The following BCAS3 variants were observed in gnomAD, a reference collection of about 807,000 sequenced individuals.
The protein encoded by BCAS3 is BCAS4/BCAS3 fusion.
In BCAS3, 53 loss-of-function variants were observed where a neutral mutation model predicts 116.1. The ratio of observed to expected loss-of-function variants is 0.46; its 90% CI spans 0.37 to 0.57. BCAS3 has a LOEUF of 0.57. Ranked by LOEUF, BCAS3 falls within the 20% of genes least tolerant of loss-of-function variation. The pLI is 0.00. For synonymous variants in BCAS3, 391 were observed against 408.2 expected, an observed-to-expected ratio of 0.96 and a Z score of 0.51; for missense variants, 917 against 1,165.4, an observed-to-expected ratio of 0.79 and a Z score of 3.10.
chr17:60,730,521 G>A (rs2040352938), intron 5 of BCAS3, among the ~76,000 whole-genome samples: 1 of 152,076 alleles, frequency 6.6e-6, no homozygotes, highest in Non-Finnish European at 1.5e-5. Context: ...CAGAGATACT[G>A]ACACTCTGAT....
At chr17:60,732,512 A>G (rs1299817415) in intron 5 of BCAS3, among the ~76,000 whole-genome samples, 2 of 152,132 alleles carry the variant, frequency 1.3e-5, no homozygotes, top group African/African-American at 4.8e-5. Flanking sequence ...TCTTTTCTCC[A>G]AGGCTATAAA....
Position 61,390,287 on chromosome 17 carries a change from G to A in BCAS3, c.2594-1690G>A, listed in dbSNP as rs1202898691. Reference sequence around the variant, plus strand: ...GGCTTTACCACCCTCTCCATCTCATGGCACGATGGCCTGTCCCCCCAGATT... The same window carrying A: ...GGCTTTACCACCCTCTCCATCTCATAGCACGATGGCCTGTCCCCCCAGATT... On this transcript the variant is annotated intron_variant, in intron 23 of 23. Coordinates refer to ENST00000407086, the MANE Select transcript of BCAS3 (RefSeq NM_017679.5). The surrounding 1 kb of genome is among the most constrained non-coding windows in gnomAD (Gnocchi z 6.8). 6.6e-6 allele frequency: 1 copy of A among 152,290 alleles called. No homozygotes were observed. The highest frequency in any genetic ancestry group is 1.5e-5 in the Non-Finnish European group (1 of 68,122). 9.4% of individuals were successfully genotyped at this position (152,290 alleles called of 1,614,324 possible).
chr17:61,003,103 T>C (rs2064373205), intron 15 of BCAS3, among the ~76,000 whole-genome samples: 1 of 151,906 alleles, frequency 6.6e-6, no homozygotes, highest in South Asian at 2.1e-4. Flanking sequence ...TTGGGCCCTT[T>C]CCTGGAAATC....
chr17:60,825,797 C>T (rs1010667022), intron 7 of BCAS3, among the ~76,000 whole-genome samples: 4 of 151,286 alleles, frequency 2.6e-5, no homozygotes, highest in African/African-American at 9.7e-5. Context: ...GAAAGCTCTG[C>T]CCTCATGACT....
chr17:61,232,368 G>A (rs1347962423), intron 22 of BCAS3, among the ~76,000 whole-genome samples: 1 of 151,534 alleles, frequency 6.6e-6, no homozygotes, highest in Non-Finnish European at 1.5e-5. Context: ...GACAGATACT[G>A]ATTGTAATGT....
intron 7 of BCAS3, among the ~76,000 whole-genome samples, chr17:60,815,586 A>C (rs1035634823): frequency 6.6e-6 from 1 of 152,256 alleles, no homozygotes; most frequent in Admixed American, 6.5e-5. Flanking sequence ...GATGTAGAAC[A>C]GAAGATGTAA....
intron 7 of BCAS3, among the ~76,000 whole-genome samples, chr17:60,843,097 T>A (rs1453921179): frequency 7.1e-6 from 1 of 140,984 alleles, no homozygotes; most frequent in Non-Finnish European, 1.5e-5. Context: ...TGATTTTTAT[T>A]TTTTATTTTT....
intron 13 of BCAS3, among the ~76,000 whole-genome samples, chr17:60,931,434 C>A (rs1356409058): frequency 6.6e-6 from 1 of 152,004 alleles, no homozygotes; most frequent in African/African-American, 2.4e-5. Flanking sequence ...TGCCACCACA[C>A]CTTGCTAATT....
chr17:60,976,028 T>TTTTTTC (rs2062332990), intron 14 of BCAS3, among the ~76,000 whole-genome samples: 1 of 121,118 alleles, frequency 8.3e-6, no homozygotes, highest in Non-Finnish European at 1.7e-5. Flanking sequence ...TGCTTTTTTT[T>TTTTTTC]TTTTTTTTTT....
intron 6 of BCAS3, among the ~76,000 whole-genome samples, chr17:60,775,353 A>G (rs758329357): frequency 7.2e-5 from 11 of 152,202 alleles, no homozygotes; most frequent in Admixed American, 2.0e-4. Flanking sequence ...ACAAGGGACT[A>G]CTATGATTCT....
At chr17:60,690,349 C>T (rs1019325325) in intron 4 of BCAS3, among the ~76,000 whole-genome samples, 3 of 152,070 alleles carry the variant, frequency 2.0e-5, no homozygotes, top group Admixed American at 1.3e-4. Flanking sequence ...GCAGGAGGAT[C>T]GCTTGATCTT....
At chr17:60,886,703 C>T (rs1459835425) in intron 9 of BCAS3, among the ~76,000 whole-genome samples, 11 of 152,056 alleles carry the variant, frequency 7.2e-5, no homozygotes, top group Admixed American at 1.3e-4. Context: ...AATAACCTGC[C>T]GTGTGAGGTG....
chr17:60,784,661 A>G (rs577484328), intron 6 of BCAS3, among the ~76,000 whole-genome samples: 30 of 150,412 alleles, frequency 2.0e-4, no homozygotes, highest in African/African-American at 6.8e-4. Context: ...CTGGTCTTGA[A>G]CTCCTGGGCT....
At chr17:61,329,935 C>T (rs965795679) in intron 22 of BCAS3, among the ~76,000 whole-genome samples, 2 of 152,134 alleles carry the variant, frequency 1.3e-5, no homozygotes, top group Non-Finnish European at 2.9e-5. Context: ...GTGAGAATTT[C>T]CTTTTAGCAG....
chr17:61,295,974 AAG>A, intron 22 of BCAS3, among the ~76,000 whole-genome samples: 1 of 151,988 alleles, frequency 6.6e-6, no homozygotes, highest in East Asian at 1.9e-4. Flanking sequence ...AAAAAAAAGA[AAG>A]AAATTTCCGT....
At chr17:60,958,057 C>T (rs2061233357) in intron 14 of BCAS3, among the ~76,000 whole-genome samples, 1 of 152,190 alleles carries the variant, frequency 6.6e-6, no homozygotes, top group Non-Finnish European at 1.5e-5. Context: ...ATGGTTGCCC[C>T]AGTTTATTGC....
chr17:60,915,884 CA>C (rs1212557596), intron 12 of BCAS3, among the ~76,000 whole-genome samples: 11 of 151,914 alleles, frequency 7.2e-5, no homozygotes, highest in Admixed American at 2.6e-4. Flanking sequence ...GGGGTTTCGC[CA>C]TGTTAGCCAG....
intron 3 of BCAS3, among the ~76,000 whole-genome samples, chr17:60,687,106 A>T (rs1034604237): frequency 6.6e-6 from 1 of 152,254 alleles, no homozygotes; most frequent in African/African-American, 2.4e-5. Context: ...ATAAAATTCA[A>T]AAATAACTTT....
intron 22 of BCAS3, among the ~76,000 whole-genome samples, chr17:61,093,747 G>T (rs2143611801): frequency 6.6e-6 from 1 of 151,998 alleles, no homozygotes. Flanking sequence ...TCTTTATTCT[G>T]TTACATTGAT....
Sources: gnomAD v4.1 joint callset for allele counts (sites outside exome capture counted in the v4.1 genomes callset) on GRCh38, gnomAD v4.1.1 for gene constraint, Gnocchi (gnomAD v3.1) non-coding constraint, MANE v1.5 for transcripts, NCBI Gene and HGNC (gene_info 2026-07-23, HGNC 2026-07-21) for gene names.